SPESP1: variants seen among roughly 807,000 people sequenced by gnomAD.
SPESP1 encodes sperm equatorial segment protein 1.
A neutral mutation model predicts 3.1 loss-of-function variants in SPESP1; 1 was observed. That is an observed-to-expected ratio of 0.33 (90% confidence interval 0.12 to 1.54). SPESP1 has a LOEUF of 1.54. Among genes scored for constraint, SPESP1 ranks in the 40% most tolerant of loss-of-function variants. SPESP1 has a pLI of 0.38. For missense variants in SPESP1, 398 were observed against 410.1 expected (o/e 0.97, Z 0.26); for synonymous variants, 138 against 150.7 (o/e 0.92, Z 0.62).
intron 1 of SPESP1, among the ~76,000 whole-genome samples, chr15:68,932,244 A>T (rs1200119608): frequency 6.6e-6 from 1 of 152,194 alleles, no homozygotes; most frequent in Non-Finnish European, 1.5e-5. Flanking sequence ...ACTAACATAT[A>T]TGGAGACTTT....
At position 68,930,556 on chromosome 15, in the gene SPESP1, C is replaced by A; in HGVS notation, c.-98C>A. On this transcript the variant is annotated 5_prime_UTR_variant, in exon 1 of 2. Coordinates refer to ENST00000310673, the MANE Select transcript of SPESP1 (RefSeq NM_145658.4). ...GGGTGTCCCAGGGCCTGAGGCAGGA[C>A]GGTACTCCGCTGACACCTTCCCTTT... 6.6e-7 allele frequency: 1 copy of A among 1,517,512 alleles called. No individual in the cohort carries two copies. The highest frequency in any genetic ancestry group is 1.1e-5 in the South Asian group (1 of 87,132). The allele number at this position is 1,517,512 out of a possible 1,614,324, so 94.0% of individuals were successfully genotyped here. A position where few individuals can be genotyped will look rare whatever the true frequency, so the allele number is the denominator to read the frequency against.
intron 1 of SPESP1, among the ~76,000 whole-genome samples, chr15:68,934,224 A>G (rs991872275): frequency 3.9e-5 from 6 of 152,202 alleles, no homozygotes; most frequent in African/African-American, 1.4e-4. Context: ...TATTATAAGA[A>G]GGCTCAATGT....
At chr15:68,942,067 A>T (rs1595721015) in intron 1 of SPESP1, among the ~76,000 whole-genome samples, 1 of 151,970 alleles carries the variant, frequency 6.6e-6, no homozygotes, top group Non-Finnish European at 1.5e-5. Flanking sequence ...CAAGCCATCC[A>T]CCTGCCTCGG....
At chr15:68,941,530 C>T (rs9920741) in intron 1 of SPESP1, among the ~76,000 whole-genome samples, 8,749 of 152,166 alleles carry the variant, frequency 0.057, 611 homozygotes, top group East Asian at 0.18. Flanking sequence ...TTTCTGGTGG[C>T]TGCCTACATT....
chr15:68,936,447 A>C (rs957248855), intron 1 of SPESP1, among the ~76,000 whole-genome samples: 3 of 152,232 alleles, frequency 2.0e-5, no homozygotes, highest in African/African-American at 7.2e-5. Flanking sequence ...GCTAAGTATA[A>C]GAAGCCACTC....
In SPESP1 at chr15:68,946,718, A is replaced by T; in HGVS notation, c.*131A>T. ...GTTGTATAAAAATATTTTCTATTGT[A>T]GTTCAAATGTGCCAACATCTTTATG... On this transcript the variant is annotated 3_prime_UTR_variant, in exon 2 of 2. Coordinates refer to ENST00000310673, the MANE Select transcript of SPESP1 (RefSeq NM_145658.4). 1 of 1,154,118 alleles carries T rather than the reference A, an allele frequency of 8.7e-7. No individual in the cohort carries two copies. Among genetic ancestry groups the T allele is most frequent in the Non-Finnish European group, 1.1e-6 (1 of 896,854 alleles). The allele number at this position is 1,154,118 out of a possible 1,614,324, so 71.5% of individuals were successfully genotyped here. A position where few individuals can be genotyped will look rare whatever the true frequency, so the allele number is the denominator to read the frequency against.
intron 1 of SPESP1, among the ~76,000 whole-genome samples, chr15:68,942,721 G>T (rs11855733): frequency 0.069 from 10,488 of 152,004 alleles, 441 homozygotes; most frequent in East Asian, 0.18. Context: ...AATTTATTTG[G>T]TTCAGTGAGA....
In SPESP1 at chr15:68,936,218, A is replaced by G. The variant is rs111946494; in HGVS notation, c.64+5501A>G. On this transcript the variant is annotated intron_variant, in intron 1 of 1. Transcript: ENST00000310673. ...ATAAAGCCATTTTGTTTTCACTATC[A>G]TTGTAATAAAAATCCTAGTTATATT... Among the ~76,000 whole-genome samples the G allele has an allele frequency of 6.9e-3, 1,055 of 152,340 alleles. 16 individuals carry two copies. The highest frequency in any genetic ancestry group is 0.024 in the African/African-American group (996 of 41,556).
chr15:68,942,270 A>G (rs986209537), intron 1 of SPESP1, among the ~76,000 whole-genome samples: 1 of 150,146 alleles, frequency 6.7e-6, no homozygotes, highest in Admixed American at 6.6e-5. Context: ...ATTTTGGTAT[A>G]TTGATTTTTA....
In SPESP1 at chr15:68,930,729, G is replaced by T; in HGVS notation, c.64+12G>T. ...GCCGGCTTATCCGAGTGAGTGACGG[G>T]CCTGAGGAGGCAGCGGACCGGGGAC... is the stretch of plus-strand genomic sequence containing the variant. On this transcript the variant is annotated intron_variant, in intron 1 of 1. Coordinates refer to ENST00000310673, the MANE Select transcript of SPESP1 (RefSeq NM_145658.4). 2 of 1,613,876 alleles carry T rather than the reference G, an allele frequency of 1.2e-6. No homozygotes were observed. The highest frequency in any genetic ancestry group is 1.7e-6 in the Non-Finnish European group (2 of 1,179,806).
At chr15:68,943,473 G>GT (rs1182255805) in intron 1 of SPESP1, among the ~76,000 whole-genome samples, 1 of 152,074 alleles carries the variant, frequency 6.6e-6, no homozygotes, top group South Asian at 2.1e-4. Context: ...TCACTAAACT[G>GT]TTCTCATTAA....
chr15:68,945,397 A>G (rs1198736277), intron 1 of SPESP1, among the ~76,000 whole-genome samples: 1 of 152,240 alleles, frequency 6.6e-6, no homozygotes, highest in Non-Finnish European at 1.5e-5. Context: ...ATCTTGCTCA[A>G]CTGTTTTAAT....
Position 68,946,207 on chromosome 15 carries a change from GA to G in SPESP1, c.674del (p.Asp225AlafsTer3), listed in dbSNP as rs758797825. ...GKHPESWNNDDILKKILDINS... is the reference protein window; with the variant it reads ...GKHPESWNNDXILKKILDINS... ...GCACCCAGAGAGTTGGAATAATGAT[GA>G]CATTTTGAAAAAAATTTTAGATATT... On this transcript the variant is annotated frameshift_variant, in exon 2 of 2. Transcript: ENST00000310673. LOFTEE classifies it low-confidence loss of function (END_TRUNC). 3 of 1,614,044 alleles carry G rather than the reference GA, an allele frequency of 1.9e-6. No homozygotes were observed. The highest frequency in any genetic ancestry group is 1.7e-6 in the Non-Finnish European group (2 of 1,180,022).
In SPESP1 at chr15:68,946,518, T is replaced by C. The variant is rs778331793; in HGVS notation, c.984T>C (p.Ala328=). 4 of 1,607,824 alleles carry C rather than the reference T, an allele frequency of 2.5e-6. No homozygotes were observed. In the Admixed American group the frequency reaches 6.8e-5, roughly 27 times the overall value. Residue 328 remains alanine (A), a synonymous_variant, in exon 2 of 2, where the codon GCT becomes GCC. Transcript: ENST00000310673. ...CVPPEMREKA[A]TVFNTLKNMC... is the part of the protein sequence containing the mutation. ...CACCAGAGATGAGAGAAAAAGCTGC[T>C]ACAGTATTCAATACATTAAAAAATA...
At chr15:68,942,488 A>G (rs1895852701) in intron 1 of SPESP1, among the ~76,000 whole-genome samples, 1 of 152,162 alleles carries the variant, frequency 6.6e-6, no homozygotes, top group Non-Finnish European at 1.5e-5. Flanking sequence ...AGTAATGAAG[A>G]TATTAGGTAT....
Position 68,946,541 on chromosome 15 carries a change from A to T in SPESP1, c.1007A>T (p.Asn336Ile). The T allele has an allele frequency of 1.3e-6, 2 of 1,576,710 alleles. No individual in the cohort carries two copies. The highest frequency in any genetic ancestry group is 1.7e-6 in the Non-Finnish European group (2 of 1,168,378). The change falls in exon 2 of 2, where the codon AAT becomes ATT. Residue 336 changes from asparagine to isoleucine, a missense_variant. Physicochemically the swap from Asn to Ile is moderately radical, Grantham distance 149. Transcript: ENST00000310673. ...GCTACAGTATTCAATACATTAAAAAATATGTGTAGATCAAGGAGAGTCACA... is the reference window on the plus strand; with the variant it reads ...GCTACAGTATTCAATACATTAAAAATTATGTGTAGATCAAGGAGAGTCACA... ...KAATVFNTLK[N>I]MCRSRRVTAL...
intron 1 of SPESP1, among the ~76,000 whole-genome samples, chr15:68,941,835 A>T (rs970290217): frequency 2.0e-5 from 3 of 152,134 alleles, no homozygotes; most frequent in Non-Finnish European, 4.4e-5. Flanking sequence ...GCATGTTTTT[A>T]ATATTTTATG....
rs1436740991 is a variant in SPESP1 at position 68,946,087 on chromosome 15, G to C, written c.553G>C (p.Asp185His). The C allele has an allele frequency of 1.2e-6, 2 of 1,613,990 alleles. No homozygotes were observed. The highest frequency in any genetic ancestry group is 1.7e-6 in the Non-Finnish European group (2 of 1,180,018). The change falls in exon 2 of 2, where the codon GAT becomes CAT. Residue 185 changes from aspartate (D) to histidine (H), a missense_variant. Transcript: ENST00000310673. ...TSYKSPVTTLDKSTGIGISTE... is the reference protein window; with the variant it reads ...TSYKSPVTTLHKSTGIGISTE... Reference sequence around the variant, plus strand: ...ATACAAGTCACCTGTCACCACTTTAGATAAGAGCACTGGCATTGGGATCTC... The same window carrying C: ...ATACAAGTCACCTGTCACCACTTTACATAAGAGCACTGGCATTGGGATCTC...
In SPESP1 at chr15:68,930,626, G is replaced by T. The variant is rs144744841; in HGVS notation, c.-28G>T. 220 of 1,613,320 alleles carry T rather than the reference G, an allele frequency of 1.4e-4. 1 individual carries two copies. The East Asian group carries it at 4.8e-3, about 35-fold the overall frequency. Reference sequence around the variant, plus strand: ...CTGGTGGCCCCAGGACGTTCCGGTCGCATGGCAGAGTGCTACGGACGACGC... The same window carrying T: ...CTGGTGGCCCCAGGACGTTCCGGTCTCATGGCAGAGTGCTACGGACGACGC... On this transcript the variant is annotated 5_prime_UTR_variant, in exon 1 of 2. Transcript: ENST00000310673.
Sources: allele counts gnomAD v4.1 joint callset (sites outside exome capture counted in the v4.1 genomes callset), GRCh38; gene constraint gnomAD v4.1.1; transcripts MANE v1.5; gene names NCBI Gene and HGNC (gene_info 2026-07-23, HGNC 2026-07-21).